ADAMTSL1: variants seen among roughly 807,000 people sequenced by gnomAD.
The protein encoded by ADAMTSL1 is ADAMTS-like protein 1.
ADAMTSL1 carries 126 observed loss-of-function variants against 201.8 expected under a neutral mutation model. The observed-to-expected ratio is 0.62, with a 90% CI of 0.54 to 0.72. ADAMTSL1 has a LOEUF of 0.72. Ranked by LOEUF, ADAMTSL1 falls within the 30% of genes least tolerant of loss-of-function variation. The pLI is 0.00. For missense variants in ADAMTSL1, 2,679 were observed against 2,277.8 expected, an observed-to-expected ratio of 1.18 and a Z score of -3.59; for synonymous variants, 1,121 against 903.4, an observed-to-expected ratio of 1.24 and a Z score of -4.32.
chr9:18,291,370 A>G (rs1011497151), intron 2 of ADAMTSL1, among the ~76,000 whole-genome samples: 3 of 152,172 alleles, frequency 2.0e-5, no homozygotes, highest in African/African-American at 2.4e-5. Context: ...CTTACAAACT[A>G]GAGACTCTGA....
rs1563806917 is a variant in ADAMTSL1, at chr9:18,794,641, TG to T, written c.3678-755del. Among the ~76,000 whole-genome samples the T allele has an allele frequency of 1.7e-3, 259 of 150,286 alleles. 1 individual carries two copies. Among genetic ancestry groups the T allele is most frequent in the African/African-American group, 5.3e-3 (213 of 40,344 alleles). On this transcript the variant is annotated intron_variant, in intron 19 of 28. Coordinates refer to ENST00000380548, the MANE Select transcript of ADAMTSL1 (RefSeq NM_001040272.6). ...GTTTTTTGTTGTTTTTTTTTGTTGT[TG>T]TTGTTTTTTGAGACAGAGTCATGCT...
At chr9:17,932,053 T>G (rs1049007183) in intron 1 of ADAMTSL1, among the ~76,000 whole-genome samples, 1 of 152,182 alleles carries the variant, frequency 6.6e-6, no homozygotes, top group Non-Finnish European at 1.5e-5. Context: ...CAGGTTTGGA[T>G]ATCTTTGTGT....
chr9:18,603,898 G>A (rs370008761), intron 4 of ADAMTSL1, among the ~76,000 whole-genome samples: 212 of 152,280 alleles, frequency 1.4e-3, no homozygotes, highest in African/African-American at 4.7e-3. Context: ...GTGCCACAAA[G>A]AAAAGACAGT....
intron 16 of ADAMTSL1, among the ~76,000 whole-genome samples, chr9:18,758,474 C>A (rs940053225): frequency 4.6e-4 from 70 of 152,302 alleles, no homozygotes; most frequent in Admixed American, 2.4e-3. Context: ...TAGCTAAATT[C>A]AGGGGAACCG....
intron 1 of ADAMTSL1, among the ~76,000 whole-genome samples, chr9:17,943,618 T>C (rs1204241686): frequency 1.3e-5 from 2 of 152,110 alleles, no homozygotes; most frequent in Non-Finnish European, 2.9e-5. Context: ...ATTTTAGAAA[T>C]ATGAAAATGC....
intron 2 of ADAMTSL1, among the ~76,000 whole-genome samples, chr9:18,521,831 C>A (rs532621739): frequency 3.4e-4 from 51 of 152,152 alleles, no homozygotes; most frequent in Non-Finnish European, 6.6e-4. Context: ...AAGAGTAAAG[C>A]AAAGCTAAGA....
intron 2 of ADAMTSL1, among the ~76,000 whole-genome samples, chr9:18,297,857 C>G (rs959155490): frequency 6.6e-6 from 1 of 152,172 alleles, no homozygotes; most frequent in Non-Finnish European, 1.5e-5. Context: ...GAAATGAGAA[C>G]CCTTTGAACC....
chr9:18,647,153 A>T (rs1827867923), intron 7 of ADAMTSL1, among the ~76,000 whole-genome samples: 1 of 152,150 alleles, frequency 6.6e-6, no homozygotes. Flanking sequence ...CATTTCTTCT[A>T]GATTTTCTAG....
At chr9:18,872,402 T>A (rs1266497354) in intron 23 of ADAMTSL1, among the ~76,000 whole-genome samples, 1 of 152,122 alleles carries the variant, frequency 6.6e-6, no homozygotes, top group Non-Finnish European at 1.5e-5. Flanking sequence ...AGTTCTTCAG[T>A]GGCCTGATTT....
rs139021484 is a variant in ADAMTSL1 at position 18,696,029 on chromosome 9, G to C, written c.1575-10718G>C. ...GGAGGAAGAGGGCAAAGGGAGAGGT[G>C]ATACACACTTTTAAGCAACCAGATC... On this transcript the variant is annotated intron_variant, in intron 13 of 28. Transcript: ENST00000380548. Among the ~76,000 whole-genome samples, 263 of 152,286 alleles carry C rather than the reference G, an allele frequency of 1.7e-3. 1 individual carries two copies. Among genetic ancestry groups the C allele is most frequent in the African/African-American group, 6.0e-3 (249 of 41,570 alleles).
At chr9:18,665,704 C>T (rs1290935649) in intron 9 of ADAMTSL1, among the ~76,000 whole-genome samples, 2 of 152,032 alleles carry the variant, frequency 1.3e-5, no homozygotes, top group Non-Finnish European at 2.9e-5. Flanking sequence ...TTTTGTTCCT[C>T]CTCCTTACAC....
At chr9:18,807,990 G>A (rs1376083433) in intron 20 of ADAMTSL1, among the ~76,000 whole-genome samples, 1 of 152,138 alleles carries the variant, frequency 6.6e-6, no homozygotes, top group Non-Finnish European at 1.5e-5. Flanking sequence ...CTATTAGTAG[G>A]TGATCAACCA....
chr9:18,471,033 G>T (rs753659514), upstream of ADAMTSL1, among the ~76,000 whole-genome samples: 1 of 152,188 alleles, frequency 6.6e-6, no homozygotes, highest in African/African-American at 2.4e-5. Flanking sequence ...CCTTTCCCCG[G>T]TTGCCATTAA....
rs141775584 is a variant in ADAMTSL1 at position 18,879,500 on chromosome 9, A to T, written c.4250-8331A>T. On this transcript the variant is annotated intron_variant, in intron 23 of 28. Transcript: ENST00000380548. Reference sequence around the variant, plus strand: ...CAGTTACAGACCACTGCAATAAAGCATATACTGCAATAAAGCGAGTCACAC... The same window carrying T: ...CAGTTACAGACCACTGCAATAAAGCTTATACTGCAATAAAGCGAGTCACAC... Among the ~76,000 whole-genome samples the T allele has an allele frequency of 1.6e-3, 245 of 152,360 alleles. 2 individuals carry two copies. The highest frequency in any genetic ancestry group is 4.6e-3 in the African/African-American group (190 of 41,592).
intron 2 of ADAMTSL1, among the ~76,000 whole-genome samples, chr9:18,346,997 A>G (rs143210474): frequency 2.6e-5 from 4 of 152,292 alleles, no homozygotes; most frequent in Non-Finnish European, 4.4e-5. Flanking sequence ...AGCTATTGTT[A>G]AGAGACAAAT....
At chr9:18,409,422 G>C in intron 2 of ADAMTSL1, among the ~76,000 whole-genome samples, 1 of 135,302 alleles carries the variant, frequency 7.4e-6, no homozygotes, top group East Asian at 2.2e-4. Context: ...AAAAGAAAAA[G>C]AAAACTGACA....
At chr9:18,302,559 C>G (rs1047109785) in intron 2 of ADAMTSL1, among the ~76,000 whole-genome samples, 1 of 152,156 alleles carries the variant, frequency 6.6e-6, no homozygotes, top group Non-Finnish European at 1.5e-5. Context: ...TCAAAATGCT[C>G]TGGTGCCAAA....
chr9:18,861,805 G>T (rs1827230439), intron 23 of ADAMTSL1, among the ~76,000 whole-genome samples: 1 of 152,182 alleles, frequency 6.6e-6, no homozygotes, highest in South Asian at 2.1e-4. Context: ...GAGCCAGCCA[G>T]ATCCTTTCAG....
intron 6 of ADAMTSL1, among the ~76,000 whole-genome samples, chr9:18,638,235 G>C (rs1827220551): frequency 6.6e-6 from 1 of 152,000 alleles, no homozygotes; most frequent in African/African-American, 2.4e-5. Context: ...CTTTGCAATA[G>C]AGAACTACAA....
Sources: allele counts gnomAD v4.1 joint callset (sites outside exome capture counted in the v4.1 genomes callset), GRCh38; gene constraint gnomAD v4.1.1; transcripts MANE v1.5; gene names NCBI Gene and HGNC (gene_info 2026-07-23, HGNC 2026-07-21).